PRSS23: variants seen among roughly 807,000 people sequenced by gnomAD.
PRSS23 encodes the protein serine protease 23, also known as protease, serine 23.
PRSS23 carries 25 observed loss-of-function variants against 34.7 expected under a neutral mutation model. The ratio of observed to expected loss-of-function variants is 0.72; its 90% CI spans 0.53 to 1.01. The LOEUF is 1.01. Ranked by LOEUF, PRSS23 falls within the 50% of genes least tolerant of loss-of-function variation. The pLI is 0.00. For missense variants in PRSS23, 445 were observed against 475.6 expected (o/e 0.94, Z 0.60); for synonymous variants, 176 against 186.6 (o/e 0.94, Z 0.46).
intron 2 of PRSS23, among the ~76,000 whole-genome samples, chr11:86,879,744 G>A (rs1428316111): frequency 3.7e-5 from 5 of 134,836 alleles, no homozygotes; most frequent in East Asian, 2.2e-4. Flanking sequence ...CCCCCCGCCC[G>A]GCCAGCCGCC....
rs145675774 is a variant in PRSS23 at position 86,836,021 on chromosome 11, C to A, written c.206+12428C>A. On this transcript the variant is annotated intron_variant, in intron 2 of 2. Transcript: ENST00000533902. ...GTGGGGTTTGAAGGTTCTTCAAAGG[C>A]AAACAAGAATTGAGAGTCAGGATGT... 1.9e-3 allele frequency among the ~76,000 whole-genome samples: 283 copies of A among 152,088 alleles called. 2 individuals carry two copies. Among genetic ancestry groups the A allele is most frequent in the African/African-American group, 6.6e-3 (276 of 41,506 alleles).
intron 2 of PRSS23, among the ~76,000 whole-genome samples, chr11:86,875,961 A>G (rs972076539): frequency 2.0e-5 from 3 of 152,234 alleles, no homozygotes; most frequent in Non-Finnish European, 4.4e-5. Context: ...TTAAAAATAT[A>G]AAATAAAACA....
intron 1 of PRSS23, among the ~76,000 whole-genome samples, chr11:86,804,590 G>GT (rs1399254228): frequency 6.6e-6 from 1 of 152,148 alleles, no homozygotes; most frequent in Non-Finnish European, 1.5e-5. Context: ...TTAGCAGTTT[G>GT]TTTTTTTCTT....
chr11:86,811,672 TC>T (rs1172540706), downstream of PRSS23, among the ~76,000 whole-genome samples: 2 of 152,196 alleles, frequency 1.3e-5, no homozygotes, highest in Non-Finnish European at 2.9e-5. Flanking sequence ...TGCTCCCAAT[TC>T]CCTGTTCTTT....
intron 2 of PRSS23, among the ~76,000 whole-genome samples, chr11:86,825,104 A>T (rs1206818704): frequency 6.6e-6 from 1 of 151,814 alleles, no homozygotes; most frequent in African/African-American, 2.4e-5. Context: ...CAACAGTGTA[A>T]AAGTGTTCCT....
intron 1 of PRSS23, 86 bp downstream of exon 1, chr11:86,800,737 G>C (rs965193329): frequency 2.9e-5 from 23 of 799,144 alleles, no homozygotes; most frequent in Non-Finnish European, 3.2e-5. Context: ...CCGGGTATGC[G>C]CGGGGTAGGG....
intron 2 of PRSS23, chr11:86,948,758 C>T (rs926553090): frequency 6.6e-6 from 1 of 152,336 alleles, no homozygotes; most frequent in Non-Finnish European, 1.5e-5. Context: ...CTACTCCATG[C>T]CTGGCTTTCT....
intron 2 of PRSS23, chr11:86,933,025 CCCA>C (rs1304542726): frequency 6.6e-6 from 1 of 152,244 alleles, no homozygotes; most frequent in Non-Finnish European, 1.5e-5. Flanking sequence ...TTTGGCTCAG[CCCA>C]CCAAGTGGTC....
intron 2 of PRSS23, among the ~76,000 whole-genome samples, chr11:86,850,894 A>G (rs1449064475): frequency 6.6e-6 from 1 of 152,216 alleles, no homozygotes; most frequent in South Asian, 2.1e-4. Context: ...CTCTGGTAAC[A>G]TCTTCCTACC....
chr11:86,933,802 G>A (rs1590934231), intron 2 of PRSS23: 1 of 152,186 alleles, frequency 6.6e-6, no homozygotes, highest in East Asian at 1.9e-4. Flanking sequence ...TTAAACAATG[G>A]TGGGTAAACC....
At chr11:86,939,152 A>G (rs932858985) in intron 2 of PRSS23, 4 of 369,014 alleles carry the variant, frequency 1.1e-5, no homozygotes, top group African/African-American at 8.6e-5. Context: ...CCATGTCACT[A>G]CTTCTCAGGA....
rs1948582350 is a variant in PRSS23 at position 86,857,733 on chromosome 11, A to G, written c.206+34140A>G. ...AAGACATCTGTGTCAGGCAGCCCGC[A>G]TAAGAGATGACTCTGCTATGCGACT... On this transcript the variant is annotated intron_variant, in intron 2 of 2. Transcript: ENST00000533902. 5 of 895,790 alleles carry G rather than the reference A, an allele frequency of 5.6e-6. No homozygotes were observed. The Middle Eastern group carries it at 7.8e-4, about 140-fold the overall frequency. The allele number at this position is 895,790 out of a possible 1,614,324, so 55.5% of individuals were successfully genotyped here.
upstream of PRSS23, among the ~76,000 whole-genome samples, chr11:86,799,465 T>G (rs1225208892): frequency 6.6e-6 from 1 of 152,162 alleles, no homozygotes; most frequent in Non-Finnish European, 1.5e-5. Context: ...TACCATTCAG[T>G]AGCTGTGTGA....
intron 2 of PRSS23, among the ~76,000 whole-genome samples, chr11:86,853,176 T>C (rs909184182): frequency 7.3e-5 from 11 of 151,168 alleles, no homozygotes; most frequent in African/African-American, 2.7e-4. Flanking sequence ...TTGGGATTTA[T>C]GTATTTCACT....
chr11:86,852,735 A>T (rs1054622327), intron 2 of PRSS23, among the ~76,000 whole-genome samples: 4 of 152,160 alleles, frequency 2.6e-5, no homozygotes, highest in African/African-American at 4.8e-5. Flanking sequence ...GGACCCATTA[A>T]CCAAACTCTC....
intron 2 of PRSS23, among the ~76,000 whole-genome samples, chr11:86,943,835 C>T (rs1273850258): frequency 6.6e-6 from 1 of 151,656 alleles, no homozygotes; most frequent in African/African-American, 2.4e-5. Context: ...CCTCTGCCTC[C>T]CAGGTTCAAG....
chr11:86,823,690 C>T, intron 2 of PRSS23: 1 of 671,612 alleles, frequency 1.5e-6, no homozygotes, highest in Admixed American at 2.1e-5. Context: ...CGGAGCAAAG[C>T]AATGTCACAT....
Position 86,807,732 on chromosome 11 carries a change from C to A in PRSS23, c.89C>A (p.Pro30His), listed in dbSNP as rs1291509244. Residue 30 changes from proline to histidine, a missense_variant, in exon 2 of 2, where the codon CCC becomes CAC. Pro to His is a moderately conservative substitution (Grantham distance 77). Transcript: ENST00000280258. ...QVSPYSAPWK[P>H]TWPAYRLPVV... ...AGCCCTTACAGTGCCCCCTGGAAACCCACTTGGCCTGCATACCGCCTCCCT... is the reference window on the plus strand; with the variant it reads ...AGCCCTTACAGTGCCCCCTGGAAACACACTTGGCCTGCATACCGCCTCCCT... The A allele has an allele frequency of 2.5e-6, 4 of 1,613,956 alleles. No individual in the cohort carries two copies. The highest frequency in any genetic ancestry group is 3.4e-6 in the Non-Finnish European group (4 of 1,179,984).
intron 2 of PRSS23, among the ~76,000 whole-genome samples, chr11:86,866,802 TA>T (rs1236077443): frequency 6.6e-6 from 1 of 152,120 alleles, no homozygotes; most frequent in Non-Finnish European, 1.5e-5. Context: ...AGCTGCTTGT[TA>T]AAAAGAGTCC....
Sources: gnomAD v4.1 joint callset for allele counts (sites outside exome capture counted in the v4.1 genomes callset) on GRCh38, gnomAD v4.1.1 for gene constraint, MANE v1.5 for transcripts, NCBI Gene and HGNC (gene_info 2026-07-23, HGNC 2026-07-21) for gene names.